SVOPL: variants seen among roughly 807,000 people sequenced by gnomAD.
SVOPL encodes the protein putative transporter SVOPL.
A neutral mutation model predicts 61.0 loss-of-function variants in SVOPL; 60 were observed. That is an observed-to-expected ratio of 0.98 (90% CI 0.80 to 1.22). The LOEUF (loss-of-function observed/expected upper bound fraction) is 1.22, where lower values mean the gene tolerates loss of function less well. SVOPL is among the 50% of genes most tolerant of loss of function. SVOPL has a pLI of 0.00. For missense variants in SVOPL, 662 were observed against 643.9 expected, an observed-to-expected ratio of 1.03 and a Z score of -0.30; for synonymous variants, 279 against 250.0, an observed-to-expected ratio of 1.12 and a Z score of -1.09.
chr7:138,649,379 T>C (rs1204967791), intron 7 of SVOPL, among the ~76,000 whole-genome samples: 1 of 152,102 alleles, frequency 6.6e-6, no homozygotes, highest in Non-Finnish European at 1.5e-5. Context: ...CTGAACCCTC[T>C]GCCTCCTGGG....
At chr7:138,679,185 A>G (rs1802647973) in intron 1 of SVOPL, 106 bp from the exon 2 acceptor site, 1 of 727,056 alleles carries the variant, frequency 1.4e-6, no homozygotes, top group Admixed American at 2.8e-5. Context: ...CCTCACAAAA[A>G]TCGAATGAGG....
In SVOPL at chr7:138,663,116, A is replaced by C; in HGVS notation, c.303T>G (p.Ser101Arg). 6.2e-7 allele frequency: 1 copy of C among 1,614,170 alleles called. No individual in the cohort carries two copies. The highest frequency in any genetic ancestry group is 8.5e-7 in the Non-Finnish European group (1 of 1,180,036). ...TMVFFGYMVF[S>R]ILFGLLADRY... ...TGTCAGCCAGGAGGCCAAAGAGGAT[A>C]CTGAAAACCATGTAGCCAAAAAACA... The change falls in exon 5 of 16, where the codon AGT becomes AGG. Residue 101 changes from serine (S) to arginine (R), a missense_variant. Ser to Arg is a moderately radical substitution (Grantham distance 110). Coordinates refer to ENST00000674285, the MANE Select transcript of SVOPL (RefSeq NM_001139456.2).
intron 14 of SVOPL, among the ~76,000 whole-genome samples, chr7:138,606,473 T>C (rs1049893252): frequency 1.1e-4 from 16 of 152,172 alleles, no homozygotes; most frequent in African/African-American, 3.9e-4. Flanking sequence ...GCTGTGGGTA[T>C]GTCTCAGGCA....
intron 13 of SVOPL, among the ~76,000 whole-genome samples, chr7:138,621,856 A>G (rs1799591283): frequency 1.1e-5 from 1 of 87,378 alleles, no homozygotes; most frequent in Non-Finnish European, 2.6e-5. Flanking sequence ...GTATCTATCT[A>G]TCTATCTATC....
Position 138,663,351 on chromosome 7 carries a change from C to T in SVOPL, c.274-206G>A, listed in dbSNP as rs540365060. On this transcript the variant is annotated intron_variant, in intron 4 of 15. Transcript: ENST00000674285. ...CCCTGTTGGTGGGAGCCTAACAAGG[C>T]AGATCCTGCCCCAGGTGGAAACGGG... is the stretch of plus-strand genomic sequence containing the variant. 1.5e-4 allele frequency: 210 copies of T among 1,417,796 alleles called. No homozygotes were observed. The African/African-American group carries it at 2.9e-3, about 20-fold the overall frequency. The allele number at this position is 1,417,796 out of a possible 1,614,324, so 87.8% of individuals were successfully genotyped here. A position where few individuals can be genotyped will look rare whatever the true frequency, so the allele number is the denominator to read the frequency against.
chr7:138,650,440 C>G (rs1250421588), intron 7 of SVOPL, among the ~76,000 whole-genome samples: 6 of 151,708 alleles, frequency 4.0e-5, no homozygotes, highest in Non-Finnish European at 8.8e-5. Context: ...TATTGAGGAG[C>G]CTGTAAGACA....
intron 1 of SVOPL, among the ~76,000 whole-genome samples, chr7:138,692,870 G>A (rs564781716): frequency 6.6e-6 from 1 of 152,230 alleles, no homozygotes; most frequent in East Asian, 1.9e-4. Flanking sequence ...ATTTGACAAG[G>A]GGACAGCCAA....
chr7:138,667,973 G>A (rs1802315344), intron 4 of SVOPL, among the ~76,000 whole-genome samples: 1 of 152,192 alleles, frequency 6.6e-6, no homozygotes, highest in Non-Finnish European at 1.5e-5. Flanking sequence ...TTAGCCACAA[G>A]ATTAGAAATT....
At chr7:138,660,861 C>A (rs1020373522) in intron 5 of SVOPL, 1 of 984,980 alleles carries the variant, frequency 1.0e-6, no homozygotes, top group Admixed American at 6.2e-5. Flanking sequence ...TGTCTATATA[C>A]TTGCAAGTCA....
At chr7:138,649,804 G>A (rs1389150929) in intron 7 of SVOPL, among the ~76,000 whole-genome samples, 2 of 152,024 alleles carry the variant, frequency 1.3e-5, no homozygotes, top group African/African-American at 4.8e-5. Flanking sequence ...CATTGAATGG[G>A]ATTTTAGTAG....
intron 5 of SVOPL, chr7:138,661,669 A>T (rs1471910799): frequency 2.1e-6 from 2 of 936,424 alleles, no homozygotes; most frequent in Non-Finnish European, 2.5e-6. Context: ...AGCTGATAGC[A>T]TACCTTATTT....
chr7:138,648,419 C>T (rs1427291773), intron 8 of SVOPL, among the ~76,000 whole-genome samples: 1 of 151,016 alleles, frequency 6.6e-6, no homozygotes, highest in Non-Finnish European at 1.5e-5. Flanking sequence ...ATCAGCCTGT[C>T]CAATGTGATG....
intron 14 of SVOPL, among the ~76,000 whole-genome samples, chr7:138,606,574 C>CA (rs1798767420): frequency 6.6e-6 from 1 of 152,096 alleles, no homozygotes; most frequent in Non-Finnish European, 1.5e-5. Flanking sequence ...GCTCATTACA[C>CA]AAAAAACAAA....
intron 13 of SVOPL, among the ~76,000 whole-genome samples, chr7:138,622,110 C>G (rs201443139): frequency 0.12 from 4,315 of 34,540 alleles, 52 homozygotes; most frequent in East Asian, 0.34. Flanking sequence ...ATCTATCTAT[C>G]TATCTATCTA....
intron 3 of SVOPL, among the ~76,000 whole-genome samples, chr7:138,675,602 C>T (rs899549428): frequency 5.9e-5 from 9 of 152,034 alleles, no homozygotes; most frequent in African/African-American, 1.2e-4. Flanking sequence ...GTGATCTACC[C>T]GCCTTGGCCT....
chr7:138,598,396 A>G (rs1429465459), intron 14 of SVOPL, among the ~76,000 whole-genome samples: 2 of 152,172 alleles, frequency 1.3e-5, no homozygotes, highest in East Asian at 3.9e-4. Context: ...AGACTTTAAT[A>G]CTCCTACCTC....
intron 9 of SVOPL, among the ~76,000 whole-genome samples, chr7:138,640,933 T>G (rs931439768): frequency 6.6e-6 from 1 of 152,086 alleles, no homozygotes; most frequent in African/African-American, 2.4e-5. Context: ...TGGGTTACAG[T>G]GGTTCACACC....
At chr7:138,676,926 T>C (rs1364823278) in intron 3 of SVOPL, among the ~76,000 whole-genome samples, 9 of 118,492 alleles carry the variant, frequency 7.6e-5, no homozygotes, top group African/African-American at 3.2e-4. Flanking sequence ...TTTTTTGAGA[T>C]GAAGTCTCGC....
intron 8 of SVOPL, among the ~76,000 whole-genome samples, chr7:138,648,472 C>T (rs1040563968): frequency 3.0e-5 from 4 of 131,556 alleles, no homozygotes; most frequent in Admixed American, 9.3e-5. Flanking sequence ...GAGGCCGAGG[C>T]GGGTGGATCA....
Sources: gnomAD v4.1 joint callset for allele counts (sites outside exome capture counted in the v4.1 genomes callset) on GRCh38, gnomAD v4.1.1 for gene constraint, MANE v1.5 for transcripts, NCBI Gene and HGNC (gene_info 2026-07-23, HGNC 2026-07-21) for gene names.